Variants in CDC42SE2 observed in about 807,000 individuals in gnomAD.
CDC42SE2 encodes the protein CDC42 small effector 2, also known as CDC42 small effector protein 2.
Under a neutral mutation model 11.5 loss-of-function variants are expected in CDC42SE2, and 3 were observed. That is an observed-to-expected ratio of 0.26 (90% confidence interval 0.12 to 0.67). The LOEUF (loss-of-function observed/expected upper bound fraction) is 0.67, where lower values mean the gene tolerates loss of function less well. Ranked by LOEUF, CDC42SE2 falls within the 30% of genes least tolerant of loss-of-function variation. The probability of loss-of-function intolerance (pLI) is 0.80; values close to 1 mark genes in which losing one functional copy is unlikely to be tolerated. For missense variants in CDC42SE2, 82 were observed against 106.8 expected, an observed-to-expected ratio of 0.77 and a Z score of 1.02; for synonymous variants, 33 against 34.8, an observed-to-expected ratio of 0.95 and a Z score of 0.18.
At chr5:131,219,127 A>G in the CDC42SE2 span, among the ~76,000 whole-genome samples, 2 of 143,296 alleles carry the variant, frequency 1.4e-5, no homozygotes, top group Non-Finnish European at 3.0e-5. Flanking sequence ...GTCTGCTTTT[A>G]TTTGTTATAA....
chr5:131,240,772 A>G (rs534120686), upstream of CDC42SE2, among the ~76,000 whole-genome samples: 1 of 152,330 alleles, frequency 6.6e-6, no homozygotes, highest in Non-Finnish European at 1.5e-5. Context: ...GTTCTGGAAA[A>G]CAGTGTGCTC....
At chr5:131,266,844 A>G (rs1038315259) in intron 1 of CDC42SE2, among the ~76,000 whole-genome samples, 1 of 151,990 alleles carries the variant, frequency 6.6e-6, no homozygotes, top group African/African-American at 2.4e-5. Context: ...AAGTTACCTG[A>G]CAATGTACCA....
At chr5:131,280,215 C>T (rs1757209900) in intron 1 of CDC42SE2, among the ~76,000 whole-genome samples, 1 of 152,106 alleles carries the variant, frequency 6.6e-6, no homozygotes, top group Non-Finnish European at 1.5e-5. Context: ...TGAAATTATT[C>T]TCTTTTATGC....
chr5:131,217,066 T>C, the CDC42SE2 span, among the ~76,000 whole-genome samples: 6 of 152,320 alleles, frequency 3.9e-5, no homozygotes, highest in Non-Finnish European at 7.4e-5. Context: ...TGCAAGGAAA[T>C]AGACAAATGC....
chr5:131,328,999 C>G (rs1758355468), intron 2 of CDC42SE2, among the ~76,000 whole-genome samples: 1 of 152,198 alleles, frequency 6.6e-6, no homozygotes, highest in African/African-American at 2.4e-5. Context: ...CTGTAGCTCC[C>G]CTGCCCCTTG....
chr5:131,288,724 G>C (rs1208038083), intron 1 of CDC42SE2, among the ~76,000 whole-genome samples: 1 of 152,156 alleles, frequency 6.6e-6, no homozygotes, highest in Non-Finnish European at 1.5e-5. Context: ...TTTGTTGCTT[G>C]CAACAGAAAG....
At position 131,348,181 on chromosome 5, in the gene CDC42SE2, A is replaced by G. The variant is rs60612805; in HGVS notation, c.-285-11028A>G. On this transcript the variant is annotated intron_variant, in intron 2 of 4. Transcript: ENST00000505065. ...AGGAGAAGGGAATAAAGGGCATTCA[A>G]TTAGGAAAAGAGGAAGTCAAATTGT... Among the ~76,000 whole-genome samples the G allele has an allele frequency of 3.3e-3, 504 of 152,318 alleles. 4 individuals are homozygous for G. The highest frequency in any genetic ancestry group is 6.4e-3 in the South Asian group (31 of 4,832).
chr5:131,299,499 A>T (rs1757637263), intron 1 of CDC42SE2, among the ~76,000 whole-genome samples: 2 of 152,308 alleles, frequency 1.3e-5, no homozygotes, highest in Middle Eastern at 3.4e-3. Flanking sequence ...AACTGGGTAG[A>T]TGAGAGGGAA....
chr5:131,345,423 A>G (rs561586706), intron 2 of CDC42SE2, among the ~76,000 whole-genome samples: 2 of 152,316 alleles, frequency 1.3e-5, no homozygotes, highest in African/African-American at 2.4e-5. Flanking sequence ...GATCAAATGA[A>G]TGAAATGAAG....
At chr5:131,271,962 C>CT (rs1458191853) in intron 1 of CDC42SE2, among the ~76,000 whole-genome samples, 1 of 152,088 alleles carries the variant, frequency 6.6e-6, no homozygotes, top group African/African-American at 2.4e-5. Flanking sequence ...TTCATGACCA[C>CT]TGACCTAAGG....
intron 3 of CDC42SE2, among the ~76,000 whole-genome samples, chr5:131,360,087 G>A (rs1749665366): frequency 6.6e-6 from 1 of 152,064 alleles, no homozygotes; most frequent in African/African-American, 2.4e-5. Context: ...TGCACATATT[G>A]TTACCTCTAC....
the CDC42SE2 span, among the ~76,000 whole-genome samples, chr5:131,211,854 C>T: frequency 5.3e-5 from 8 of 151,454 alleles, no homozygotes; most frequent in Non-Finnish European, 8.8e-5. Context: ...CTCGGTGGCA[C>T]GTGACTGTAA....
chr5:131,320,057 A>G (rs1197821935), intron 2 of CDC42SE2, among the ~76,000 whole-genome samples: 2 of 118,838 alleles, frequency 1.7e-5, no homozygotes, highest in African/African-American at 5.2e-5. Context: ...TCTTAAAGAA[A>G]AAAAAAAAAA....
At chr5:131,312,369 A>T (rs1580747522) in intron 1 of CDC42SE2, among the ~76,000 whole-genome samples, 1 of 152,182 alleles carries the variant, frequency 6.6e-6, no homozygotes, top group South Asian at 2.1e-4. Flanking sequence ...GGGACATTTA[A>T]GTCTGCAGAG....
rs150649992 is a variant in CDC42SE2, at chr5:131,379,083, A to G, written c.55-6460A>G. On this transcript the variant is annotated intron_variant, in intron 3 of 4. Coordinates refer to ENST00000505065, the MANE Select transcript of CDC42SE2 (RefSeq NM_001375635.1). The stretch of plus-strand genomic sequence containing the variant: ...TTTAGGGATTTAGTTACACAACTCA[A>G]CTGACTTTCTCTAGGTCATAAAGTT... Among the ~76,000 whole-genome samples, 633 of 152,318 alleles carry G rather than the reference A, an allele frequency of 4.2e-3. 4 individuals carry two copies. The highest frequency in any genetic ancestry group is 0.013 in the African/African-American group (546 of 41,554).
At chr5:131,268,876 G>A (rs192614149) in intron 1 of CDC42SE2, among the ~76,000 whole-genome samples, 2 of 147,814 alleles carry the variant, frequency 1.4e-5, no homozygotes, top group East Asian at 4.0e-4. Context: ...TCAGCCTCTC[G>A]AGTAGCAGGG....
chr5:131,334,980 G>A (rs1758519472), intron 2 of CDC42SE2, among the ~76,000 whole-genome samples: 1 of 152,050 alleles, frequency 6.6e-6, no homozygotes, highest in Non-Finnish European at 1.5e-5. Context: ...GTTCTGCTCT[G>A]ATCTTAGTTA....
At chr5:131,380,119 A>T (rs1384431239) in intron 3 of CDC42SE2, among the ~76,000 whole-genome samples, 1 of 151,544 alleles carries the variant, frequency 6.6e-6, no homozygotes, top group African/African-American at 2.4e-5. Flanking sequence ...GAAAATATTT[A>T]ATTTTCCATA....
Position 131,359,491 on chromosome 5 carries a change from A to G in CDC42SE2, c.-3A>G, listed in dbSNP as rs111259308. 1 of 1,612,264 alleles carries G rather than the reference A, an allele frequency of 6.2e-7. No homozygotes were observed. The highest frequency in any genetic ancestry group is 1.3e-5 in the African/African-American group (1 of 74,896). Reference sequence around the variant, plus strand: ...TGGTGCTCATTTACTGTGGACTGTAAGCATGAGTGAATTCTGGTTGTGTTT... The same window carrying G: ...TGGTGCTCATTTACTGTGGACTGTAGGCATGAGTGAATTCTGGTTGTGTTT... On this transcript the variant is annotated 5_prime_UTR_variant, in exon 3 of 5. Transcript: ENST00000505065.
Sources: gnomAD v4.1 joint callset for allele counts (sites outside exome capture counted in the v4.1 genomes callset) on GRCh38, gnomAD v4.1.1 for gene constraint, MANE v1.5 for transcripts, NCBI Gene and HGNC (gene_info 2026-07-23, HGNC 2026-07-21) for gene names.